REV3L: variants seen among roughly 807,000 people sequenced by gnomAD.
The protein encoded by REV3L is DNA polymerase zeta catalytic subunit.
In REV3L, 69 loss-of-function variants were observed where a neutral mutation model predicts 299.4. That is an observed-to-expected ratio of 0.23 (90% confidence interval 0.19 to 0.28). The LOEUF (loss-of-function observed/expected upper bound fraction) is 0.28. REV3L is among the 10% of genes least tolerant of loss of function. The pLI is 1.00. For synonymous variants in REV3L, 1,238 were observed against 1,271.4 expected, an observed-to-expected ratio of 0.97 and a Z score of 0.56; for missense variants, 3,128 against 3,693.8, an observed-to-expected ratio of 0.85 and a Z score of 3.97.
At chr6:111,421,613 GT>G (rs879402414) in intron 1 of REV3L, among the ~76,000 whole-genome samples, 73 of 145,154 alleles carry the variant, frequency 5.0e-4, no homozygotes, top group East Asian at 1.6e-3. Flanking sequence ...GAATAGAAAA[GT>G]TTTTTTTTTT....
intron 24 of REV3L, chr6:111,331,049 A>C: frequency 1.0e-6 from 1 of 980,330 alleles, no homozygotes; most frequent in Non-Finnish European, 1.2e-6. Flanking sequence ...TCTAGTACAG[A>C]CTCACTGCTA....
At chr6:111,410,893 T>C (rs905136901) in intron 3 of REV3L, among the ~76,000 whole-genome samples, 14 of 152,164 alleles carry the variant, frequency 9.2e-5, no homozygotes, top group Non-Finnish European at 1.3e-4. Flanking sequence ...CCACTATACA[T>C]AGTGAAAATC....
chr6:111,476,757 A>G (rs963770520), intron 1 of REV3L, among the ~76,000 whole-genome samples: 3 of 152,254 alleles, frequency 2.0e-5, no homozygotes, highest in African/African-American at 7.2e-5. Flanking sequence ...GCTTTAATTT[A>G]TGAATCATTT....
intron 1 of REV3L, among the ~76,000 whole-genome samples, chr6:111,473,041 T>C (rs1173818831): frequency 6.6e-6 from 1 of 152,190 alleles, no homozygotes; most frequent in African/African-American, 2.4e-5. Context: ...CATTATTTCC[T>C]CTTATTATCA....
rs777388529 is a variant in REV3L, at chr6:111,307,508, T to C, written c.9105A>G (p.Gln3035=). Reference sequence around the variant, plus strand: ...CAGGACAGTGTAAGGTAGTAAAATATTGTGAAATAGTGCCTTTCCGCCCTT... The same window carrying C: ...CAGGACAGTGTAAGGTAGTAAAATACTGTGAAATAGTGCCTTTCCGCCCTT... ...EPEGRKGTIS[Q]YFTTLHCPVC... Residue 3035 remains glutamine, a synonymous_variant, in exon 31 of 32, where the codon CAA becomes CAG. Transcript: ENST00000368802. 2.3e-5 allele frequency: 37 copies of C among 1,614,102 alleles called. No individual in the cohort carries two copies. The South Asian group carries it at 3.0e-4, about 13-fold the overall frequency.
At chr6:111,404,278 T>C (rs1291387797) in intron 4 of REV3L, among the ~76,000 whole-genome samples, 1 of 152,160 alleles carries the variant, frequency 6.6e-6, no homozygotes, top group Non-Finnish European at 1.5e-5. Flanking sequence ...TGCAGCATGG[T>C]TGACTGAATA....
At chr6:111,402,315 AC>A (rs1487496233) in intron 4 of REV3L, among the ~76,000 whole-genome samples, 1 of 151,986 alleles carries the variant, frequency 6.6e-6, no homozygotes, top group Non-Finnish European at 1.5e-5. Flanking sequence ...GTCTGTGCTC[AC>A]CTTAAGAGAA....
chr6:111,482,114 C>CG (rs1011926698), intron 1 of REV3L, among the ~76,000 whole-genome samples: 2 of 152,140 alleles, frequency 1.3e-5, no homozygotes, highest in African/African-American at 4.8e-5. Context: ...CCCTGTCCCC[C>CG]GACGCTCAGG....
At chr6:111,322,489 A>T (rs1175448812) in intron 26 of REV3L, 80 bp downstream of exon 26, 2 of 1,025,850 alleles carry the variant, frequency 1.9e-6, no homozygotes, top group Non-Finnish European at 3.0e-6. Context: ...TTTAGAAAAG[A>T]TTCCCTTAAG....
At chr6:111,441,091 C>T (rs567935091) in intron 1 of REV3L, among the ~76,000 whole-genome samples, 408 of 152,260 alleles carry the variant, frequency 2.7e-3, no homozygotes, top group South Asian at 9.3e-3. Context: ...TTGGAAAATT[C>T]TCAGTCATTA....
intron 1 of REV3L, among the ~76,000 whole-genome samples, chr6:111,462,306 T>C (rs150587858): frequency 0.016 from 2,423 of 152,212 alleles, 29 homozygotes; most frequent in Admixed American, 0.039. Context: ...ATGTAAATAC[T>C]AATCAAAAGG....
intron 9 of REV3L, among the ~76,000 whole-genome samples, chr6:111,382,594 T>C (rs1238411184): frequency 6.6e-6 from 1 of 152,070 alleles, no homozygotes; most frequent in East Asian, 1.9e-4. Context: ...AGAACCTGAG[T>C]TGCAGCCAGC....
rs1775399204 is a variant in REV3L, at chr6:111,331,751, C to T, written c.7959G>A (p.Leu2653=). 1 of 1,613,164 alleles carries T rather than the reference C, an allele frequency of 6.2e-7. No individual in the cohort carries two copies. The highest frequency in any genetic ancestry group is 2.2e-5 in the East Asian group (1 of 44,748). ...YDEFKFGCTS[L]RVPPDLLYQV... ...GGTAAAGTAAATCTGGAGGTACTCTCAGAGAGGTACAGCCAAATTTGAACT... is the reference window on the plus strand; with the variant it reads ...GGTAAAGTAAATCTGGAGGTACTCTTAGAGAGGTACAGCCAAATTTGAACT... Residue 2653 remains leucine, a synonymous_variant, in exon 24 of 32, where the codon CTG becomes CTA. Transcript: ENST00000368802.
At chr6:111,334,617 CA>C (rs1775733267) in intron 22 of REV3L, among the ~76,000 whole-genome samples, 1 of 152,070 alleles carries the variant, frequency 6.6e-6, no homozygotes, top group Non-Finnish European at 1.5e-5. Flanking sequence ...AAAAATTACT[CA>C]CAAGAACCAG....
intron 13 of REV3L, among the ~76,000 whole-genome samples, chr6:111,368,833 T>C (rs1228090138): frequency 2.0e-5 from 3 of 152,204 alleles, no homozygotes; most frequent in Non-Finnish European, 4.4e-5. Context: ...AGTTAATTCA[T>C]AGTTTTTTCA....
At chr6:111,422,652 ATATATATATACATATATATATATATACG>A (rs1562287719) in intron 1 of REV3L, among the ~76,000 whole-genome samples, 723 of 37,610 alleles carry the variant, frequency 0.019, 168 homozygotes, top group Non-Finnish European at 0.038. Flanking sequence ...ATATATACAT[ATATATATATACATATATATATATATACG>A]TATATATATA....
chr6:111,336,746 T>C (rs1157219161), intron 21 of REV3L, among the ~76,000 whole-genome samples: 1 of 152,136 alleles, frequency 6.6e-6, no homozygotes, highest in Admixed American at 6.6e-5. Flanking sequence ...ACAGTATTAA[T>C]CATAGTAGCC....
rs377216830 is a variant in REV3L at position 111,370,455 on chromosome 6, A to T, written c.5759+2141T>A. ...TCACTTCAAGTCATTACAGGAGAGA[A>T]CTTTTATTCTGCATTTCTGATAACC... On this transcript the variant is annotated intron_variant, in intron 13 of 31. Transcript: ENST00000368802. Among the ~76,000 whole-genome samples the T allele has an allele frequency of 4.6e-5, 7 of 152,304 alleles. No individual in the cohort carries two copies. The South Asian group carries it at 6.2e-4, about 14-fold the overall frequency.
intron 26 of REV3L, among the ~76,000 whole-genome samples, chr6:111,320,358 G>A (rs534265938): frequency 3.9e-5 from 6 of 152,094 alleles, no homozygotes; most frequent in African/African-American, 1.4e-4. Context: ...GAGCCACTGC[G>A]CCCAGCCAGG....
Sources: gnomAD v4.1 joint callset for allele counts (sites outside exome capture counted in the v4.1 genomes callset) on GRCh38, gnomAD v4.1.1 for gene constraint, MANE v1.5 for transcripts, NCBI Gene and HGNC (gene_info 2026-07-23, HGNC 2026-07-21) for gene names.